Variants in PPP4R4 observed in about 807,000 individuals in gnomAD.
PPP4R4 encodes the protein protein phosphatase 4 regulatory subunit 4, also known as serine/threonine-protein phosphatase 4 regulatory subunit 4.
A neutral mutation model predicts 121.8 loss-of-function variants in PPP4R4; 70 were observed. That is an observed-to-expected ratio of 0.57 (90% CI 0.47 to 0.70). PPP4R4 has a LOEUF of 0.70. PPP4R4 is among the 30% of genes least tolerant of loss of function. PPP4R4 has a pLI of 0.00. For missense variants in PPP4R4, 875 were observed against 1,033.6 expected, an observed-to-expected ratio of 0.85 and a Z score of 2.10; for synonymous variants, 348 against 355.7, an observed-to-expected ratio of 0.98 and a Z score of 0.24.
intron 2 of PPP4R4, among the ~76,000 whole-genome samples, chr14:94,190,643 A>G (rs963839808): frequency 3.9e-4 from 60 of 152,172 alleles, no homozygotes; most frequent in Non-Finnish European, 8.2e-4. Flanking sequence ...AAGTATTTTA[A>G]AGGAATTTTT....
At chr14:94,254,584 T>G (rs1893364937) in intron 16 of PPP4R4, among the ~76,000 whole-genome samples, 1 of 152,108 alleles carries the variant, frequency 6.6e-6, no homozygotes, top group Admixed American at 6.5e-5. Flanking sequence ...TGAAGAATCC[T>G]CAAGTAAAAA....
chr14:94,227,630 T>G (rs979416842), intron 3 of PPP4R4: 1 of 1,174,184 alleles, frequency 8.5e-7, no homozygotes, highest in Non-Finnish European at 1.1e-6. Flanking sequence ...AGTAAGAAGA[T>G]ATGAAGTTGG....
chr14:94,221,963 A>G (rs1891423078), intron 3 of PPP4R4, among the ~76,000 whole-genome samples: 1 of 152,060 alleles, frequency 6.6e-6, no homozygotes, highest in Non-Finnish European at 1.5e-5. Flanking sequence ...TCAACTGTTG[A>G]TGGATAAGTC....
In PPP4R4 at chr14:94,234,569, C is replaced by G; in HGVS notation, c.631C>G (p.Arg211Gly). Residue 211 changes from arginine (R) to glycine (G), a missense_variant, in exon 7 of 25, where the codon CGA becomes GGA. By Grantham distance (125) the Arg-to-Gly change is moderately radical. Coordinates refer to ENST00000304338, the MANE Select transcript of PPP4R4 (RefSeq NM_058237.2). ...TTTTCTCCCCACCTTCAGCATTAAG[C>G]GAGAAATACTTCCTCTGGTAAAATC... The part of the protein sequence containing the change: ...TNKFDAHTIK[R>G]EILPLVKSLC... 1 of 1,585,650 alleles carries G rather than the reference C, an allele frequency of 6.3e-7. No homozygotes were observed. The highest frequency in any genetic ancestry group is 1.1e-5 in the South Asian group (1 of 89,906).
intron 8 of PPP4R4, among the ~76,000 whole-genome samples, chr14:94,238,099 C>T (rs1892442779): frequency 1.3e-5 from 2 of 152,198 alleles, no homozygotes. Context: ...ACAACCTGCT[C>T]TCCAGAGAAC....
chr14:94,244,502 T>G, intron 11 of PPP4R4, 133 bp from the exon 12 acceptor site: 1 of 720,924 alleles, frequency 1.4e-6, no homozygotes, highest in Non-Finnish European at 2.0e-6. Flanking sequence ...TAGAATCTAA[T>G]TTTATATTTG....
intron 2 of PPP4R4, 31 bp downstream of exon 2, chr14:94,176,158 T>C (rs1567098780): frequency 6.5e-7 from 1 of 1,541,304 alleles, no homozygotes; most frequent in Non-Finnish European, 9.0e-7. Context: ...GAAATTGCTC[T>C]TCTTTTTTCC....
In PPP4R4 at chr14:94,259,158, G is replaced by A. The variant is rs1019839821; in HGVS notation, c.2053-137G>A. The stretch of plus-strand genomic sequence containing the variant: ...CACCCGGTCCCTCCCACAACATGTG[G>A]GAATTAGGGGAGCTACAAGATGAAA... On this transcript the variant is annotated intron_variant, in intron 18 of 24. Transcript: ENST00000304338. 2.8e-6 allele frequency: 4 copies of A among 1,408,176 alleles called. No homozygotes were observed. The African/African-American group carries it at 5.9e-5, about 21-fold the overall frequency. The allele number at this position is 1,408,176 out of a possible 1,614,324, so 87.2% of individuals were successfully genotyped here. A position where few individuals can be genotyped will look rare whatever the true frequency, so the allele number is the denominator to read the frequency against.
At position 94,265,765 on chromosome 14, in the gene PPP4R4, A is replaced by G. The variant is rs369868892; in HGVS notation, c.2285-29A>G. On this transcript the variant is annotated intron_variant, in intron 21 of 24. Transcript: ENST00000304338. ...GAGCAGCCGAGGATGAACTGAATAC[A>G]TTTTTCTTTTTTCTGCTTATTGCTC... 22 of 1,493,584 alleles carry G rather than the reference A, an allele frequency of 1.5e-5. No homozygotes were observed. In the Admixed American group the frequency reaches 3.6e-4, roughly 24 times the overall value. 92.5% of individuals were successfully genotyped at this position (1,493,584 alleles called of 1,614,324 possible).
chr14:94,198,306 A>T (rs1208487577), intron 2 of PPP4R4, among the ~76,000 whole-genome samples: 2 of 152,268 alleles, frequency 1.3e-5, no homozygotes, highest in East Asian at 3.9e-4. Context: ...GAGCATTTTA[A>T]GATGTATTTA....
At chr14:94,212,853 C>T (rs563604805) in intron 3 of PPP4R4, among the ~76,000 whole-genome samples, 14 of 152,166 alleles carry the variant, frequency 9.2e-5, no homozygotes, top group South Asian at 2.1e-4. Flanking sequence ...CACCACATAA[C>T]GAAGGTGATT....
In PPP4R4 at chr14:94,265,866, G is replaced by T. The variant is rs1049948791; in HGVS notation, c.2357G>T (p.Gly786Val). Residue 786 changes from glycine to valine, a missense_variant, in exon 22 of 25, where the codon GGC becomes GTC. Gly to Val is a moderately radical substitution (Grantham distance 109). Transcript: ENST00000304338. Reference protein sequence around the residue: ...FNNQAFHAKYGNLEKCASKSS... With the variant: ...FNNQAFHAKYVNLEKCASKSS... ...AATCAAGCTTTTCATGCAAAATATG[G>T]CAACTTAGAGAAATGTGCTAGGTAC... 2.5e-6 allele frequency: 4 copies of T among 1,600,620 alleles called. No homozygotes were observed. Among genetic ancestry groups the T allele is most frequent in the East Asian group, 2.2e-5 (1 of 44,676 alleles).
chr14:94,268,655 C>G lies in PPP4R4; in HGVS notation c.2449+1626C>G, dbSNP rs188646874. Among the ~76,000 whole-genome samples the G allele has an allele frequency of 7.2e-4, 109 of 152,204 alleles. 3 individuals are homozygous for G. Among genetic ancestry groups the G allele is most frequent in the Admixed American group, 7.1e-3 (109 of 15,284 alleles). On this transcript the variant is annotated intron_variant, in intron 23 of 24. Transcript: ENST00000304338. ...TCACAGTTCCACACGGCTGGGGAGGCCTCACAATCATGGCAGAAGGCAAAG... is the reference window on the plus strand; with the variant it reads ...TCACAGTTCCACACGGCTGGGGAGGGCTCACAATCATGGCAGAAGGCAAAG...
At position 94,221,730 on chromosome 14, in the gene PPP4R4, G is replaced by A. The variant is rs150112076; in HGVS notation, c.295-8857G>A. On this transcript the variant is annotated intron_variant, in intron 3 of 24. Transcript: ENST00000304338. ...ACGAAGTATTGTGGAAGACTGTAGA[G>A]CAACTCAAACTCCCTTACACTGTTG... Among the ~76,000 whole-genome samples, 158 of 152,156 alleles carry A rather than the reference G, an allele frequency of 1.0e-3. 1 individual carries two copies. Among genetic ancestry groups the A allele is most frequent in the African/African-American group, 3.6e-3 (151 of 41,570 alleles).
chr14:94,235,854 A>T (rs1011374942), intron 7 of PPP4R4, among the ~76,000 whole-genome samples: 2 of 152,182 alleles, frequency 1.3e-5, no homozygotes, highest in African/African-American at 4.8e-5. Flanking sequence ...TCTTTTAAAA[A>T]CAAGATTCAA....
At chr14:94,189,811 A>C (rs1390550985) in intron 2 of PPP4R4, among the ~76,000 whole-genome samples, 1 of 151,590 alleles carries the variant, frequency 6.6e-6, no homozygotes, top group African/African-American at 2.4e-5. Flanking sequence ...GTAATTTTAT[A>C]CTCTTTTTCT....
chr14:94,271,965 T>G (rs28852512), intron 23 of PPP4R4, among the ~76,000 whole-genome samples: 1,968 of 152,260 alleles, frequency 0.013, 42 homozygotes, highest in African/African-American at 0.045. Context: ...ACAAAATATG[T>G]ACAAGATCTA....
chr14:94,207,407 C>T (rs965525387), intron 2 of PPP4R4, among the ~76,000 whole-genome samples: 5 of 151,898 alleles, frequency 3.3e-5, no homozygotes, highest in Non-Finnish European at 5.9e-5. Flanking sequence ...CAGAAAAAGC[C>T]TTTCTTCATG....
In PPP4R4 at chr14:94,179,406, T is replaced by C. The variant is rs75812102; in HGVS notation, c.191+3279T>C. ...GTTGTAGCAGCTATCAGTAGTTTAT[T>C]CCTTTTTATTGCAGTGTAGTATTCT... On this transcript the variant is annotated intron_variant, in intron 2 of 24. Transcript: ENST00000304338. Among the ~76,000 whole-genome samples the C allele has an allele frequency of 7.0e-3, 1,059 of 152,316 alleles. 13 individuals are homozygous for C. The highest frequency in any genetic ancestry group is 0.023 in the African/African-American group (950 of 41,576).
Sources: gnomAD v4.1 joint callset for allele counts (sites outside exome capture counted in the v4.1 genomes callset) on GRCh38, gnomAD v4.1.1 for gene constraint, MANE v1.5 for transcripts, NCBI Gene and HGNC (gene_info 2026-07-23, HGNC 2026-07-21) for gene names.